The following CRISPLD2 variants were observed in gnomAD, a reference collection of about 807,000 sequenced individuals.
The protein encoded by CRISPLD2 is cysteine-rich secretory protein LCCL domain-containing 2.
In CRISPLD2, 47 loss-of-function variants were observed where a neutral mutation model predicts 71.1. The observed-to-expected ratio is 0.66, with a 90% CI of 0.52 to 0.84. The LOEUF (loss-of-function observed/expected upper bound fraction) is 0.84. Among genes scored for constraint, CRISPLD2 ranks in the 40% least tolerant of loss-of-function variants. The pLI is 0.00. For synonymous variants in CRISPLD2, 317 were observed against 250.1 expected (o/e 1.27, Z -2.52); for missense variants, 830 against 651.1 (o/e 1.27, Z -2.99).
At chr16:84,887,871 C>T (rs1487601641) in intron 13 of CRISPLD2, among the ~76,000 whole-genome samples, 1 of 152,026 alleles carries the variant, frequency 6.6e-6, no homozygotes, top group African/African-American at 2.4e-5. Flanking sequence ...AGCGAAACTC[C>T]GTCTCAAAAA....
At chr16:84,905,835 G>T (rs538025006) in intron 14 of CRISPLD2, among the ~76,000 whole-genome samples, 2 of 150,250 alleles carry the variant, frequency 1.3e-5, no homozygotes, top group African/African-American at 4.9e-5. Context: ...TCAGCCTCCC[G>T]AGTAGCTGGG....
At chr16:84,828,126 C>T (rs891778203) in intron 1 of CRISPLD2, 3 of 152,220 alleles carry the variant, frequency 2.0e-5, no homozygotes, top group Non-Finnish European at 4.4e-5. Context: ...GGTTCCGCAG[C>T]CAGCTCTCGA....
intron 9 of CRISPLD2, among the ~76,000 whole-genome samples, 155 bp from the exon 10 acceptor site, chr16:84,872,837 T>G (rs2071483077): frequency 6.6e-6 from 1 of 152,146 alleles, no homozygotes; most frequent in African/African-American, 2.4e-5. Flanking sequence ...AACAAATATG[T>G]GGTTACAGAC....
intron 14 of CRISPLD2, among the ~76,000 whole-genome samples, chr16:84,897,905 C>T (rs968958640): frequency 1.3e-5 from 2 of 152,238 alleles, no homozygotes; most frequent in African/African-American, 4.8e-5. Flanking sequence ...GCGTGAGCTA[C>T]CACACCCGGC....
intron 14 of CRISPLD2, among the ~76,000 whole-genome samples, chr16:84,899,188 C>T (rs955650952): frequency 6.6e-6 from 1 of 152,138 alleles, no homozygotes; most frequent in Admixed American, 6.6e-5. Flanking sequence ...CTGTGCCCCG[C>T]CTGAGGGATT....
At chr16:84,873,503 C>CA (rs1333411767) in intron 10 of CRISPLD2, 3,086 of 88,018 alleles carry the variant, frequency 0.035, 108 homozygotes, top group African/African-American at 0.064. Flanking sequence ...AAAACAACAA[C>CA]AACAAAAAAA....
chr16:84,884,596 C>G (rs905397994), intron 13 of CRISPLD2, among the ~76,000 whole-genome samples: 3 of 151,954 alleles, frequency 2.0e-5, no homozygotes, highest in African/African-American at 4.8e-5. Context: ...GATGCCTTGT[C>G]CCTTTTACTG....
intron 13 of CRISPLD2, among the ~76,000 whole-genome samples, chr16:84,887,414 G>T (rs1216712067): frequency 1.3e-5 from 2 of 152,224 alleles, no homozygotes; most frequent in African/African-American, 4.8e-5. Flanking sequence ...GTGAATGGAG[G>T]CAAGACCGGA....
rs565280607 is a variant in CRISPLD2 at position 84,895,781 on chromosome 16, C to T, written c.1439+6418C>T. Among the ~76,000 whole-genome samples the T allele has an allele frequency of 2.0e-5, 3 of 152,260 alleles. No individual in the cohort carries two copies. In the South Asian group the frequency reaches 6.2e-4, roughly 32 times the overall value. On this transcript the variant is annotated intron_variant, in intron 14 of 14. Transcript: ENST00000262424. ...AGCAGGGGCGATGGCATTTGTAGCT[C>T]CCGGCTACTGAGCACCTGCTGGATG...
intron 5 of CRISPLD2, among the ~76,000 whole-genome samples, chr16:84,854,227 G>T (rs190754466): frequency 1.3e-5 from 2 of 152,206 alleles, no homozygotes; most frequent in African/African-American, 4.8e-5. Context: ...TTGAATTCCA[G>T]CTCTTCCCTC....
At chr16:84,892,931 C>T (rs556397068) in intron 14 of CRISPLD2, among the ~76,000 whole-genome samples, 130 of 146,770 alleles carry the variant, frequency 8.9e-4, no homozygotes, top group South Asian at 2.6e-3. Flanking sequence ...AGCCGAGATT[C>T]CACCACTGTA....
intron 13 of CRISPLD2, among the ~76,000 whole-genome samples, chr16:84,884,000 A>C (rs926403744): frequency 6.6e-6 from 1 of 151,918 alleles, no homozygotes; most frequent in Non-Finnish European, 1.5e-5. Context: ...CCCGCCACCC[A>C]CACCCAGCTA....
intron 6 of CRISPLD2, chr16:84,862,948 G>A (rs1917427968): frequency 6.6e-6 from 1 of 152,294 alleles, no homozygotes; most frequent in South Asian, 2.1e-4. Context: ...GGAAGAAGGA[G>A]CGATCTGGAC....
chr16:84,880,164 G>A (rs1470311460), intron 12 of CRISPLD2, among the ~76,000 whole-genome samples: 1 of 152,214 alleles, frequency 6.6e-6, no homozygotes, highest in Non-Finnish European at 1.5e-5. Context: ...TGTACCCACA[G>A]TGTGAACTAG....
chr16:84,852,701 C>T (rs1262017724), intron 5 of CRISPLD2, among the ~76,000 whole-genome samples: 4 of 150,996 alleles, frequency 2.6e-5, no homozygotes, highest in Non-Finnish European at 5.9e-5. Context: ...ATTCCCAACC[C>T]GACAAGGGGT....
Position 84,906,681 on chromosome 16 carries a change from G to A in CRISPLD2, c.*39G>A. The A allele has an allele frequency of 6.2e-7, 1 of 1,610,674 alleles. No individual in the cohort carries two copies. The highest frequency in any genetic ancestry group is 1.1e-5 in the South Asian group (1 of 91,018). ...GGGGAGAAGGGGCGTCTTCAGGAGG[G>A]CTTCGGGGTTTTGCTTTTATTTTTA... is the stretch of plus-strand genomic sequence containing the variant. On this transcript the variant is annotated 3_prime_UTR_variant, in exon 15 of 15. Coordinates refer to ENST00000262424, the MANE Select transcript of CRISPLD2 (RefSeq NM_031476.4).
At chr16:84,893,729 G>C (rs1052943826) in intron 14 of CRISPLD2, among the ~76,000 whole-genome samples, 24 of 152,334 alleles carry the variant, frequency 1.6e-4, no homozygotes, top group Admixed American at 1.4e-3. Flanking sequence ...GAACCCTGCA[G>C]AGACACCTGG....
chr16:84,881,852 T>G (rs879263892), intron 13 of CRISPLD2, among the ~76,000 whole-genome samples: 1 of 152,134 alleles, frequency 6.6e-6, no homozygotes, highest in Non-Finnish European at 1.5e-5. Context: ...GCCATCATCT[T>G]TGCCTCTGTC....
intron 3 of CRISPLD2, among the ~76,000 whole-genome samples, chr16:84,848,460 T>A (rs1449884325): frequency 8.3e-5 from 12 of 144,944 alleles, no homozygotes; most frequent in South Asian, 2.2e-4. Context: ...CCCTAGTTAT[T>A]AAAAAAAAAA....
Sources: gnomAD v4.1 joint callset for allele counts (sites outside exome capture counted in the v4.1 genomes callset) on GRCh38, gnomAD v4.1.1 for gene constraint, MANE v1.5 for transcripts, NCBI Gene and HGNC (gene_info 2026-07-23, HGNC 2026-07-21) for gene names.